Variants in FAT3 observed in about 807,000 individuals in gnomAD.
FAT3 encodes the protein protocadherin Fat 3.
A neutral mutation model predicts 310.2 loss-of-function variants in FAT3; 95 were observed. That is an observed-to-expected ratio of 0.31 (90% CI 0.26 to 0.36). The LOEUF (loss-of-function observed/expected upper bound fraction) is 0.36. Among genes scored for constraint, FAT3 ranks in the 10% least tolerant of loss-of-function variants. The pLI is 1.00. For synonymous variants in FAT3, 2,314 were observed against 2,192.9 expected, an observed-to-expected ratio of 1.06 and a Z score of -1.54; for missense variants, 5,408 against 5,715.6, an observed-to-expected ratio of 0.95 and a Z score of 1.74.
intron 3 of FAT3, among the ~76,000 whole-genome samples, chr11:92,650,294 A>G (rs112530218): frequency 8.5e-5 from 13 of 152,240 alleles, no homozygotes; most frequent in African/African-American, 2.9e-4. Flanking sequence ...TAACTTCCTG[A>G]TGACATGAGT....
chr11:92,642,968 G>A (rs1272609550), intron 3 of FAT3, among the ~76,000 whole-genome samples: 1 of 152,168 alleles, frequency 6.6e-6, no homozygotes, highest in Non-Finnish European at 1.5e-5. Flanking sequence ...AATTATCCTA[G>A]TGACCCTGTG....
intron 3 of FAT3, among the ~76,000 whole-genome samples, chr11:92,637,168 C>G (rs1941795289): frequency 6.6e-6 from 1 of 152,166 alleles, no homozygotes; most frequent in African/African-American, 2.4e-5. Flanking sequence ...TTTCCTCTCT[C>G]ACAAAGCTGA....
chr11:92,563,649 T>C (rs1955313738), intron 3 of FAT3, among the ~76,000 whole-genome samples: 1 of 152,218 alleles, frequency 6.6e-6, no homozygotes, highest in Non-Finnish European at 1.5e-5. Flanking sequence ...TTAAAATTCA[T>C]ACCCTCAAAG....
chr11:92,335,032 C>T (rs956712443), intron 1 of FAT3, among the ~76,000 whole-genome samples: 1 of 152,142 alleles, frequency 6.6e-6, no homozygotes, highest in Non-Finnish European at 1.5e-5. Flanking sequence ...CATTAAAAGT[C>T]TGATGATGTC....
intron 1 of FAT3, among the ~76,000 whole-genome samples, chr11:92,329,091 A>G (rs1343466184): frequency 1.5e-5 from 2 of 130,910 alleles, no homozygotes; most frequent in African/African-American, 8.1e-5. Context: ...GTAATCATCC[A>G]GACTTTTTTT....
chr11:92,402,318 A>G (rs1950033422), intron 2 of FAT3, among the ~76,000 whole-genome samples: 2 of 152,172 alleles, frequency 1.3e-5, no homozygotes, highest in Admixed American at 6.6e-5. Flanking sequence ...AAGGATGGGG[A>G]AAAAAGAGAC....
intron 1 of FAT3, among the ~76,000 whole-genome samples, chr11:92,339,735 G>T (rs1371731933): frequency 6.6e-6 from 1 of 152,008 alleles, no homozygotes; most frequent in Non-Finnish European, 1.5e-5. Flanking sequence ...GAAATGTGCA[G>T]ACTCCTGAGG....
intron 1 of FAT3, among the ~76,000 whole-genome samples, chr11:92,256,264 C>T (rs942386702): frequency 1.3e-5 from 2 of 151,574 alleles, no homozygotes; most frequent in Non-Finnish European, 2.9e-5. Flanking sequence ...CAGAGAAGAT[C>T]GCCCTTAAAC....
chr11:92,812,475 G>A (rs569806765), intron 13 of FAT3, among the ~76,000 whole-genome samples: 330 of 151,870 alleles, frequency 2.2e-3, no homozygotes, highest in African/African-American at 7.6e-3. Flanking sequence ...CCAGCTACTC[G>A]GGAAGCTGAG....
At chr11:92,589,062 T>G (rs1254888473) in intron 3 of FAT3, among the ~76,000 whole-genome samples, 1 of 152,066 alleles carries the variant, frequency 6.6e-6, no homozygotes, top group Non-Finnish European at 1.5e-5. Context: ...AATGATTTCT[T>G]TATGGTGAGC....
intron 3 of FAT3, among the ~76,000 whole-genome samples, chr11:92,536,363 T>C (rs184837983): frequency 6.6e-6 from 1 of 152,296 alleles, no homozygotes; most frequent in African/African-American, 2.4e-5. Context: ...AGAAGCTAGA[T>C]GGAGTAGTAA....
intron 4 of FAT3, among the ~76,000 whole-genome samples, chr11:92,738,178 A>G (rs975790198): frequency 6.6e-6 from 1 of 152,204 alleles, no homozygotes; most frequent in East Asian, 1.9e-4. Context: ...TCATCACTCC[A>G]GATAGATTTT....
At chr11:92,294,250 T>A (rs1322929991) in intron 1 of FAT3, among the ~76,000 whole-genome samples, 1 of 152,030 alleles carries the variant, frequency 6.6e-6, no homozygotes, top group Non-Finnish European at 1.5e-5. Flanking sequence ...AGGACACTAA[T>A]CCTATTCAAT....
rs1208408266 is a variant in FAT3 at position 92,512,979 on chromosome 11, G to A, written c.3293-11655G>A. Among the ~76,000 whole-genome samples, 9 of 99,888 alleles carry A rather than the reference G, an allele frequency of 9.0e-5. 3 individuals carry two copies. The highest frequency in any genetic ancestry group is 4.1e-4 in the African/African-American group (9 of 21,778). 65.5% of individuals were successfully genotyped at this position (99,888 alleles called of 152,430 possible). On this transcript the variant is annotated intron_variant, in intron 2 of 27. Transcript: ENST00000525166. ...CTACTAAAAATACAAAAAATTAGCC[G>A]GGCGTGGTAGCGGGCGCCTGTAGTC... is the stretch of plus-strand genomic sequence containing the variant.
chr11:92,254,079 G>A (rs1031383368), intron 1 of FAT3, among the ~76,000 whole-genome samples: 1 of 152,166 alleles, frequency 6.6e-6, no homozygotes, highest in Non-Finnish European at 1.5e-5. Flanking sequence ...GCAAGGAAAG[G>A]AATCACCACA....
At chr11:92,520,640 A>G (rs918244809) in intron 2 of FAT3, among the ~76,000 whole-genome samples, 4 of 152,218 alleles carry the variant, frequency 2.6e-5, no homozygotes, top group South Asian at 4.2e-4. Context: ...AGCTGTGACT[A>G]TGTTGACTAT....
At chr11:92,276,640 C>T (rs895369985) in intron 1 of FAT3, among the ~76,000 whole-genome samples, 7 of 152,088 alleles carry the variant, frequency 4.6e-5, no homozygotes, top group Admixed American at 1.3e-4. Flanking sequence ...GGTGCCTCAA[C>T]GAGTATGTAT....
intron 3 of FAT3, among the ~76,000 whole-genome samples, chr11:92,550,329 C>T (rs1452525541): frequency 1.3e-5 from 2 of 152,104 alleles, no homozygotes; most frequent in African/African-American, 4.8e-5. Context: ...AAGCTGCTCA[C>T]TGTGATGTTG....
chr11:92,454,454 G>C (rs1441692208), intron 2 of FAT3, among the ~76,000 whole-genome samples: 1 of 152,128 alleles, frequency 6.6e-6, no homozygotes. Context: ...TTTGGTAAAA[G>C]ACATATAGGA....
Sources: allele counts gnomAD v4.1 joint callset (sites outside exome capture counted in the v4.1 genomes callset), GRCh38; gene constraint gnomAD v4.1.1; transcripts MANE v1.5; gene names NCBI Gene and HGNC (gene_info 2026-07-23, HGNC 2026-07-21).